TCP1: variants seen among roughly 807,000 people sequenced by gnomAD.
The protein encoded by TCP1 is t-complex 1, also known as T-complex protein 1 subunit alpha.
TCP1 carries 6 observed loss-of-function variants against 54.7 expected under a neutral mutation model. The observed-to-expected ratio is 0.11, with a 90% CI of 0.06 to 0.22. TCP1 has a LOEUF of 0.22. Ranked by LOEUF, TCP1 falls within the 10% of genes least tolerant of loss-of-function variation. The probability of loss-of-function intolerance (pLI) is 1.00; values close to 1 mark genes in which losing one functional copy is unlikely to be tolerated. For missense variants in TCP1, 511 were observed against 678.2 expected (o/e 0.75, Z 2.74); for synonymous variants, 225 against 229.7 (o/e 0.98, Z 0.19).
chr6:159,789,590 C>A lies in TCP1; in HGVS notation c.-122G>T, dbSNP rs1468156583. On this transcript the variant is annotated 5_prime_UTR_variant, in exon 1 of 12. Transcript: ENST00000321394. ...GGCGTGGAGCGTACCCGAGCGATGT[C>A]CCAGGAGCTACTGGGTAACACACCA... The A allele has an allele frequency of 4.0e-6, 5 of 1,236,256 alleles. No individual in the cohort carries two copies. Among genetic ancestry groups the A allele is most frequent in the African/African-American group, 3.0e-5 (2 of 66,898 alleles). 76.6% of individuals were successfully genotyped at this position (1,236,256 alleles called of 1,614,324 possible).
rs1780484583 is a variant in TCP1 at position 159,778,512 on chromosome 6, G to A, written c.*533C>T. 3.3e-6 allele frequency: 3 copies of A among 900,792 alleles called. No individual in the cohort carries two copies. Among genetic ancestry groups the A allele is most frequent in the Non-Finnish European group, 3.3e-6 (2 of 612,062 alleles). The allele number at this position is 900,792 out of a possible 1,614,324, so 55.8% of individuals were successfully genotyped here. ...ATAGGCAGGGATGAATTTTCACAAA[G>A]GTGTAAATTTATTCCTAAGCAGTTA... On this transcript the variant is annotated 3_prime_UTR_variant, in exon 12 of 12. Coordinates refer to ENST00000321394, the MANE Select transcript of TCP1 (RefSeq NM_030752.3).
At chr6:159,783,870 A>T (rs1780632373) in intron 7 of TCP1, 71 bp downstream of exon 7, 1 of 1,493,570 alleles carries the variant, frequency 6.7e-7, no homozygotes, top group African/African-American at 1.4e-5. Context: ...AAATAGTTTG[A>T]CTTGGCTAAA....
chr6:159,789,479 G>C lies in TCP1; in HGVS notation c.-11C>G, dbSNP rs1462418809. 4 of 1,613,876 alleles carry C rather than the reference G, an allele frequency of 2.5e-6. No individual in the cohort carries two copies. Among genetic ancestry groups the C allele is most frequent in the South Asian group, 2.2e-5 (2 of 91,080 alleles). ...CAAAGGCCCCTCCATCTTGACGGCAGCGATACACGTCGAATTCTGCTTACA... is the reference window on the plus strand; with the variant it reads ...CAAAGGCCCCTCCATCTTGACGGCACCGATACACGTCGAATTCTGCTTACA... On this transcript the variant is annotated 5_prime_UTR_variant, in exon 1 of 12. Transcript: ENST00000321394.
intron 10 of TCP1, 23 bp downstream of exon 10, chr6:159,779,872 A>G (rs1322483968): frequency 6.2e-7 from 1 of 1,610,958 alleles, no homozygotes; most frequent in African/African-American, 1.3e-5. Context: ...CAGGCCTCTA[A>G]GACAAGAAAT....
intron 7 of TCP1, among the ~76,000 whole-genome samples, chr6:159,783,379 A>ATT (rs770127722): frequency 0.36 from 42,471 of 118,724 alleles, 8,619 homozygotes; most frequent in South Asian, 0.49. Context: ...TGTTTAAACT[A>ATT]TTTTTTTTTT....
chr6:159,780,602 C>CTCTTTCATAATAAAA (rs1780553504), intron 8 of TCP1, 36 bp from the exon 9 acceptor site: 1 of 1,595,784 alleles, frequency 6.3e-7, no homozygotes, highest in African/African-American at 1.4e-5. Context: ...GTGAATATTG[C>CTCTTTCATAATAAAA]TCTTTCATGA....
intron 2 of TCP1, 88 bp from the exon 3 acceptor site, chr6:159,787,959 C>G: frequency 6.2e-7 from 1 of 1,604,704 alleles, no homozygotes; most frequent in Non-Finnish European, 8.5e-7. Context: ...ATATCACCTT[C>G]CAGTACGTGG....
Position 159,785,885 on chromosome 6 carries a change from T to C in TCP1, c.377+15A>G. ...TTACATCAAAAAAAATTTCTCTGAA[T>C]GCAAACAATCTTACTTGCAAGCAAG... On this transcript the variant is annotated intron_variant, in intron 4 of 11. Transcript: ENST00000321394. The C allele has an allele frequency of 1.2e-6, 2 of 1,608,662 alleles. No individual in the cohort carries two copies. The highest frequency in any genetic ancestry group is 2.2e-5 in the East Asian group (1 of 44,804).
chr6:159,784,486 A>G (rs538603987), intron 6 of TCP1, among the ~76,000 whole-genome samples, 180 bp downstream of exon 6: 1 of 152,024 alleles, frequency 6.6e-6, no homozygotes, highest in African/African-American at 2.4e-5. Context: ...TGTATTTTTT[A>G]GTAGAGATGA....
rs374704232 is a variant in TCP1 at position 159,789,359 on chromosome 6, G to A, written c.64+46C>T. The A allele has an allele frequency of 5.6e-4, 894 of 1,609,128 alleles. 4 individuals are homozygous for A. In the African/African-American group the frequency reaches 0.01, roughly 18 times the overall value. On this transcript the variant is annotated intron_variant, in intron 1 of 11. Coordinates refer to ENST00000321394, the MANE Select transcript of TCP1 (RefSeq NM_030752.3). ...CCGGGGTCCGGTCGCGGTGGGACTC[G>A]GCCCTCCCCGGCCGCAAACCCGACC...
At chr6:159,786,282 T>C (rs1054578452) in intron 3 of TCP1, among the ~76,000 whole-genome samples, 2 of 152,032 alleles carry the variant, frequency 1.3e-5, no homozygotes, top group Non-Finnish European at 2.9e-5. Flanking sequence ...GGAGGAAAAC[T>C]TGTTTTTTTA....
intron 4 of TCP1, 66 bp from the exon 5 acceptor site, chr6:159,785,562 T>C (rs370803759): frequency 1.6e-6 from 2 of 1,256,726 alleles, no homozygotes; most frequent in African/African-American, 1.5e-5. Flanking sequence ...GCATTCATCA[T>C]GCTTAACACA....
chr6:159,784,558 C>G (rs1002556045), intron 6 of TCP1, 108 bp downstream of exon 6: 2 of 1,170,192 alleles, frequency 1.7e-6, no homozygotes, highest in African/African-American at 1.5e-5. Context: ...CCTGACTCAG[C>G]CTCCCAAAGT....
Position 159,787,845 on chromosome 6 carries a change from T to C in TCP1, c.177A>G (p.Ala59=). ...IGDVTITNDG[A]TILKLLEVEH... is the part of the protein sequence containing the mutation. ...CTACCTCCAGTAACTTCAGGATGGT[T>C]GCACCATCGTTAGTAATGGTTACAT... Residue 59 remains alanine (A), a synonymous_variant, in exon 3 of 12, where the codon GCA becomes GCG. Transcript: ENST00000321394. 1.2e-6 allele frequency: 2 copies of C among 1,614,186 alleles called. No individual in the cohort carries two copies. The highest frequency in any genetic ancestry group is 1.7e-6 in the Non-Finnish European group (2 of 1,180,016).
At position 159,778,582 on chromosome 6, in the gene TCP1, G is replaced by C; in HGVS notation, c.*463C>G. ...AAAGGGTAGCATGCTGATACATTAA[G>C]AGGAAAAAGACAAGTTTAAGATTTT... On this transcript the variant is annotated 3_prime_UTR_variant, in exon 12 of 12. Coordinates refer to ENST00000321394, the MANE Select transcript of TCP1 (RefSeq NM_030752.3). The C allele has an allele frequency of 2.0e-6, 3 of 1,495,936 alleles. No individual in the cohort carries two copies. The highest frequency in any genetic ancestry group is 2.7e-6 in the Non-Finnish European group (3 of 1,092,540). The allele number at this position is 1,495,936 out of a possible 1,614,324, so 92.7% of individuals were successfully genotyped here.
chr6:159,787,618 A>G, intron 3 of TCP1, 125 bp downstream of exon 3: 1 of 1,244,560 alleles, frequency 8.0e-7, no homozygotes, highest in Non-Finnish European at 1.1e-6. Context: ...TTCTTGCTCA[A>G]TCTTCTGGGC....
intron 9 of TCP1, 153 bp downstream of exon 9, chr6:159,780,290 C>T (rs763598819): frequency 6.1e-6 from 8 of 1,307,394 alleles, no homozygotes; most frequent in South Asian, 5.9e-5. Flanking sequence ...ATGGTTACTT[C>T]ATCTCAATTT....
intron 7 of TCP1, among the ~76,000 whole-genome samples, chr6:159,782,927 T>C (rs1436142798): frequency 6.6e-6 from 1 of 152,176 alleles, no homozygotes; most frequent in Non-Finnish European, 1.5e-5. Context: ...AGGCTGAAAA[T>C]GTCTTCCGAA....
intron 4 of TCP1, 167 bp from the exon 5 acceptor site, chr6:159,785,663 G>A (rs1251105871): frequency 1.3e-6 from 1 of 797,856 alleles, no homozygotes; most frequent in East Asian, 2.4e-5. Flanking sequence ...ATCATGGCAA[G>A]TTTAATCTAT....
Sources: allele counts gnomAD v4.1 joint callset (sites outside exome capture counted in the v4.1 genomes callset), GRCh38; gene constraint gnomAD v4.1.1; transcripts MANE v1.5; gene names NCBI Gene and HGNC (gene_info 2026-07-23, HGNC 2026-07-21).